Variants in BTBD10 observed in about 807,000 individuals in gnomAD.
BTBD10 encodes BTB domain containing 10.
A neutral mutation model predicts 53.2 loss-of-function variants in BTBD10; 21 were observed. The observed-to-expected ratio is 0.39, with a 90% CI of 0.28 to 0.57. The LOEUF is 0.57. Ranked by LOEUF, BTBD10 falls within the 20% of genes least tolerant of loss-of-function variation. The pLI is 0.53. For missense variants in BTBD10, 360 were observed against 594.7 expected, an observed-to-expected ratio of 0.61 and a Z score of 4.10; for synonymous variants, 149 against 192.7, an observed-to-expected ratio of 0.77 and a Z score of 1.88.
chr11:13,406,708 C>G (rs1211993070), intron 6 of BTBD10, among the ~76,000 whole-genome samples: 1 of 151,720 alleles, frequency 6.6e-6, no homozygotes, highest in Non-Finnish European at 1.5e-5. Flanking sequence ...GAACTCATAA[C>G]CTACAGTCTC....
intron 8 of BTBD10, among the ~76,000 whole-genome samples, chr11:13,390,489 G>A (rs1176731279): frequency 1.3e-5 from 2 of 151,854 alleles, no homozygotes; most frequent in African/African-American, 2.4e-5. Flanking sequence ...GACTACAGGC[G>A]CCTGCCACCA....
At chr11:13,393,732 T>G (rs957809476) in intron 8 of BTBD10, among the ~76,000 whole-genome samples, 1 of 152,196 alleles carries the variant, frequency 6.6e-6, no homozygotes, top group African/African-American at 2.4e-5. Flanking sequence ...GCAACTAATA[T>G]TGGCTATTTA....
chr11:13,445,490 T>C (rs1016369299), intron 1 of BTBD10, among the ~76,000 whole-genome samples: 4 of 152,146 alleles, frequency 2.6e-5, no homozygotes, highest in African/African-American at 9.6e-5. Flanking sequence ...ATCATTATGG[T>C]ACCAAAAAGG....
intron 1 of BTBD10, among the ~76,000 whole-genome samples, chr11:13,455,839 T>G (rs1184194224): frequency 6.6e-6 from 1 of 152,230 alleles, no homozygotes; most frequent in Non-Finnish European, 1.5e-5. Flanking sequence ...ATATAACCTT[T>G]ATTATGCTGT....
chr11:13,413,053 T>C (rs1269722094), intron 6 of BTBD10, among the ~76,000 whole-genome samples: 2 of 152,210 alleles, frequency 1.3e-5, no homozygotes, highest in Non-Finnish European at 2.9e-5. Flanking sequence ...TTTAATCCTA[T>C]GTATACATGA....
intron 6 of BTBD10, among the ~76,000 whole-genome samples, chr11:13,409,176 T>G (rs1168764029): frequency 6.6e-6 from 1 of 152,196 alleles, no homozygotes; most frequent in Non-Finnish European, 1.5e-5. Context: ...TCTCTGCTGC[T>G]CTCAAATATA....
chr11:13,393,398 G>A (rs1306178224), intron 8 of BTBD10, among the ~76,000 whole-genome samples: 1 of 152,142 alleles, frequency 6.6e-6, no homozygotes, highest in Non-Finnish European at 1.5e-5. Context: ...CTCTTTTTAA[G>A]GGACTTGGGA....
chr11:13,440,202 T>G (rs1950619881), intron 2 of BTBD10: 5 of 1,379,594 alleles, frequency 3.6e-6, no homozygotes, highest in Non-Finnish European at 4.7e-6. Flanking sequence ...TACATATTAA[T>G]TCAGTTTATT....
chr11:13,412,176 A>G (rs1434595569), intron 6 of BTBD10, among the ~76,000 whole-genome samples: 1 of 152,010 alleles, frequency 6.6e-6, no homozygotes, highest in Non-Finnish European at 1.5e-5. Flanking sequence ...AACTCTGGCC[A>G]GGCACAGTGG....
chr11:13,413,746 G>T, intron 5 of BTBD10, 96 bp from the exon 6 acceptor site: 1 of 1,189,462 alleles, frequency 8.4e-7, no homozygotes, highest in East Asian at 2.6e-5. Context: ...TTCAGAAACA[G>T]TAGAGAACTC....
At chr11:13,436,239 C>A (rs1950541595) in intron 2 of BTBD10, among the ~76,000 whole-genome samples, 1 of 152,166 alleles carries the variant, frequency 6.6e-6, no homozygotes, top group African/African-American at 2.4e-5. Context: ...CACATTAAGG[C>A]TTAAACCTTT....
At chr11:13,413,051 T>C (rs1949997523) in intron 6 of BTBD10, among the ~76,000 whole-genome samples, 1 of 152,208 alleles carries the variant, frequency 6.6e-6, no homozygotes, top group South Asian at 2.1e-4. Context: ...CATTTAATCC[T>C]ATGTATACAT....
rs574187367 is a variant in BTBD10, at chr11:13,445,049, G to T, written c.76C>A (p.Pro26Thr). 4.3e-6 allele frequency: 7 copies of T among 1,612,260 alleles called. No homozygotes were observed. The African/African-American group carries it at 6.7e-5, about 15-fold the overall frequency. The change falls in exon 2 of 9, where the codon CCT (proline) becomes ACT (threonine). Residue 26 changes from proline to threonine, a missense_variant. Pro to Thr is a conservative substitution (Grantham distance 38). This residue lies in a region of BTBD10 where 81 missense variants were observed against 82.6 expected (regional missense o/e 0.98). Transcript: ENST00000278174. ...ENWDRKLHSR[P>T]RKLYKHSSTS... ...CTTGAATGTTTATAAAGTTTACGAG[G>T]TCTACTATGCAATTTCCGATCCCAA... is the stretch of plus-strand genomic sequence containing the variant.
At chr11:13,399,192 C>T (rs948041017) in intron 8 of BTBD10, among the ~76,000 whole-genome samples, 21 of 152,226 alleles carry the variant, frequency 1.4e-4, no homozygotes, top group Admixed American at 7.2e-4. Context: ...ACCAATGAGA[C>T]GTAGATTTGG....
chr11:13,432,748 A>C (rs1027745919), intron 2 of BTBD10, among the ~76,000 whole-genome samples: 1 of 152,078 alleles, frequency 6.6e-6, no homozygotes, highest in African/African-American at 2.4e-5. Context: ...AATTTTTACA[A>C]AGTTACTAGA....
intron 2 of BTBD10, among the ~76,000 whole-genome samples, chr11:13,428,729 T>G (rs990074101): frequency 1.3e-5 from 2 of 152,010 alleles, no homozygotes; most frequent in Non-Finnish European, 2.9e-5. Context: ...GAAATAAGAA[T>G]CAGAAATAAG....
chr11:13,461,031 T>C (rs1293905154), intron 1 of BTBD10, among the ~76,000 whole-genome samples: 1 of 152,228 alleles, frequency 6.6e-6, no homozygotes, highest in Admixed American at 6.5e-5. Flanking sequence ...CCAGTTCAAA[T>C]TGCCCTACTA....
At chr11:13,418,951 C>T (rs961493483) in intron 4 of BTBD10, among the ~76,000 whole-genome samples, 2 of 145,336 alleles carry the variant, frequency 1.4e-5, no homozygotes, top group Non-Finnish European at 3.0e-5. Flanking sequence ...CTTCATTTTG[C>T]TAACTACTTG....
chr11:13,401,850 C>A (rs1273880021), intron 8 of BTBD10, among the ~76,000 whole-genome samples: 1 of 152,194 alleles, frequency 6.6e-6, no homozygotes, highest in Non-Finnish European at 1.5e-5. Context: ...TTCAGACCAA[C>A]TATATCTCTT....
Sources: gnomAD v4.1 joint callset for allele counts (sites outside exome capture counted in the v4.1 genomes callset) on GRCh38, gnomAD v4.1.1 for gene constraint, gnomAD v4.1.1 regional missense constraint, MANE v1.5 for transcripts, NCBI Gene and HGNC (gene_info 2026-07-23, HGNC 2026-07-21) for gene names.